The following CALN1 variants were observed in gnomAD, a reference collection of about 807,000 sequenced individuals.
CALN1 encodes the protein calneuron 1.
In CALN1, 17 loss-of-function variants were observed where a neutral mutation model predicts 30.6. The ratio of observed to expected loss-of-function variants is 0.56; its 90% CI spans 0.38 to 0.83. The LOEUF (loss-of-function observed/expected upper bound fraction) is 0.83, where lower values mean the gene tolerates loss of function less well. CALN1 is among the 40% of genes least tolerant of loss of function. The pLI, the probability that CALN1 is intolerant of heterozygous loss-of-function variation, is 0.00. For synonymous variants in CALN1, 156 were observed against 131.4 expected (o/e 1.19, Z -1.28); for missense variants, 291 against 354.9 (o/e 0.82, Z 1.45).
rs76649345 is a variant in CALN1 at position 72,191,875 on chromosome 7, C to A, written c.245-85581G>T. ...GGTGTCAGCAGAGCCGCACGCTCCCCGCTAGGCTAGCACCCGTTTCCTTGC... is the reference window on the plus strand; with the variant it reads ...GGTGTCAGCAGAGCCGCACGCTCCCAGCTAGGCTAGCACCCGTTTCCTTGC... On this transcript the variant is annotated intron_variant, in intron 3 of 6. Coordinates refer to ENST00000395275, the MANE Select transcript of CALN1 (RefSeq NM_031468.4). Among the ~76,000 whole-genome samples the A allele has an allele frequency of 2.6e-5, 4 of 152,148 alleles. 1 individual carries two copies. In the South Asian group the frequency reaches 6.2e-4, roughly 24 times the overall value.
chr7:71,889,966 G>GAA (rs66707559), intron 5 of CALN1, among the ~76,000 whole-genome samples: 10 of 128,422 alleles, frequency 7.8e-5, no homozygotes, highest in East Asian at 2.1e-4. Context: ...CTCTGTCTCG[G>GAA]AAAAAAAAAA....
chr7:72,474,815 C>T, the CALN1 span, among the ~76,000 whole-genome samples: 1 of 152,206 alleles, frequency 6.6e-6, no homozygotes, highest in Non-Finnish European at 1.5e-5. Context: ...CGCTTCTGCA[C>T]ATGTGCCCAG....
intron 5 of CALN1, among the ~76,000 whole-genome samples, chr7:71,933,064 C>A (rs977956653): frequency 1.3e-5 from 2 of 151,984 alleles, no homozygotes; most frequent in African/African-American, 4.8e-5. Flanking sequence ...GAGCAGCCTG[C>A]AAAATCGAGC....
At chr7:72,155,504 AAG>A (rs1554458450) in intron 3 of CALN1, among the ~76,000 whole-genome samples, 21 of 151,636 alleles carry the variant, frequency 1.4e-4, no homozygotes, top group African/African-American at 4.6e-4. Context: ...AAAAAAAAAA[AAG>A]AGAGAGAGAA....
chr7:72,218,465 A>G (rs1211447091), intron 3 of CALN1, among the ~76,000 whole-genome samples: 1 of 152,018 alleles, frequency 6.6e-6, no homozygotes, highest in South Asian at 2.1e-4. Context: ...AAAATAAAAT[A>G]AAATAACTGT....
chr7:72,070,112 G>A (rs1804287529), intron 4 of CALN1, among the ~76,000 whole-genome samples: 1 of 152,078 alleles, frequency 6.6e-6, no homozygotes, highest in South Asian at 2.1e-4. Flanking sequence ...AATTGCTTTA[G>A]GAAAAATCCT....
chr7:71,930,619 T>C (rs1272279138), intron 5 of CALN1, among the ~76,000 whole-genome samples: 3 of 152,226 alleles, frequency 2.0e-5, no homozygotes, highest in Admixed American at 6.5e-5. Context: ...TTGTGCTTTA[T>C]GAACATTTGC....
chr7:72,413,893 TAC>T (rs1807338794), upstream of CALN1, among the ~76,000 whole-genome samples: 2 of 151,708 alleles, frequency 1.3e-5, no homozygotes, highest in Non-Finnish European at 2.9e-5. Context: ...CACTCTTACA[TAC>T]ATACACACGT....
At chr7:71,952,200 T>C (rs1796726957) in intron 5 of CALN1, among the ~76,000 whole-genome samples, 1 of 152,300 alleles carries the variant, frequency 6.6e-6, no homozygotes, top group South Asian at 2.1e-4. Flanking sequence ...AACTGCTAAA[T>C]TGAAGATACC....
At chr7:71,925,472 C>T (rs1392316209) in intron 5 of CALN1, among the ~76,000 whole-genome samples, 6 of 117,222 alleles carry the variant, frequency 5.1e-5, no homozygotes, top group Non-Finnish European at 1.2e-4. Context: ...CAAAACCCCC[C>T]TCCTATTTTT....
At chr7:72,022,919 T>TTAAAAAAAAAAAAAAAAAAAAAA (rs1800788681) in intron 5 of CALN1, among the ~76,000 whole-genome samples, 1 of 109,952 alleles carries the variant, frequency 9.1e-6, no homozygotes, top group Non-Finnish European at 1.8e-5. Flanking sequence ...ATAAATAAAA[T>TTAAAAAAAAAAAAAAAAAAAAAA]TAAAAAAAAA....
Position 72,323,766 on chromosome 7 carries a change from G to A in CALN1, c.120-44956C>T, listed in dbSNP as rs1200027648. On this transcript the variant is annotated intron_variant, in intron 2 of 6. Coordinates refer to ENST00000395275, the MANE Select transcript of CALN1 (RefSeq NM_031468.4). Reference sequence around the variant, plus strand: ...ACGATCATAATTTGCAGTTTAGGCTGAGCACGGTGGCTCATGCCTGTAATC... The same window carrying A: ...ACGATCATAATTTGCAGTTTAGGCTAAGCACGGTGGCTCATGCCTGTAATC... Among the ~76,000 whole-genome samples the A allele has an allele frequency of 3.3e-5, 5 of 152,148 alleles. No individual in the cohort carries two copies. The East Asian group carries it at 9.6e-4, about 29-fold the overall frequency.
the CALN1 span, among the ~76,000 whole-genome samples, chr7:72,475,466 A>AG: frequency 6.6e-6 from 1 of 152,214 alleles, no homozygotes; most frequent in Non-Finnish European, 1.5e-5. Flanking sequence ...CTCAAAAAAA[A>AG]GAAAGTGAAG....
chr7:71,899,884 T>C (rs933333349), intron 5 of CALN1, among the ~76,000 whole-genome samples: 5 of 152,140 alleles, frequency 3.3e-5, no homozygotes, highest in Non-Finnish European at 5.9e-5. Flanking sequence ...ATCACATAAA[T>C]AAATGTAAGC....
At chr7:72,407,696 A>G (rs1325711771) in intron 1 of CALN1, among the ~76,000 whole-genome samples, 1 of 152,074 alleles carries the variant, frequency 6.6e-6, no homozygotes, top group African/African-American at 2.4e-5. Context: ...AGTCTCAGGG[A>G]TTTCTTCAGA....
intron 5 of CALN1, among the ~76,000 whole-genome samples, chr7:72,013,247 ATTTTT>A (rs1025112311): frequency 1.1e-5 from 1 of 92,980 alleles, no homozygotes; most frequent in South Asian, 3.9e-4. Context: ...CTAATTTGAG[ATTTTT>A]TTTTTTTTTT....
chr7:71,818,677 TTTATTTATTTATTTA>T (rs1788407198), intron 5 of CALN1, among the ~76,000 whole-genome samples: 4 of 4,172 alleles, frequency 9.6e-4, no homozygotes, highest in African/African-American at 2.0e-3. Context: ...GCTTATTTTA[TTTATTTATTTATTTA>T]TTTATTTATT....
At chr7:72,407,650 T>C (rs1436924870) in intron 1 of CALN1, among the ~76,000 whole-genome samples, 2 of 152,198 alleles carry the variant, frequency 1.3e-5, no homozygotes, top group Non-Finnish European at 2.9e-5. Flanking sequence ...TGCAGAACCG[T>C]GAGCCCATTA....
intron 3 of CALN1, among the ~76,000 whole-genome samples, chr7:72,131,508 C>CAGAT (rs1349438984): frequency 6.6e-6 from 1 of 152,140 alleles, no homozygotes; most frequent in Non-Finnish European, 1.5e-5. Flanking sequence ...GCTCCATTCC[C>CAGAT]AGATTTTGGT....
Sources: allele counts gnomAD v4.1 joint callset (sites outside exome capture counted in the v4.1 genomes callset), GRCh38; gene constraint gnomAD v4.1.1; transcripts MANE v1.5; gene names NCBI Gene and HGNC (gene_info 2026-07-23, HGNC 2026-07-21).